The following PDZD2 variants were observed in gnomAD, a reference collection of about 807,000 sequenced individuals.
The protein encoded by PDZD2 is PDZ domain containing 2.
Under a neutral mutation model 220.7 loss-of-function variants are expected in PDZD2, and 90 were observed. The ratio of observed to expected loss-of-function variants is 0.41; its 90% CI spans 0.34 to 0.49. PDZD2 has a LOEUF of 0.49. Ranked by LOEUF, PDZD2 falls within the 20% of genes least tolerant of loss-of-function variation. The pLI is 0.28. For synonymous variants in PDZD2, 1,375 were observed against 1,450.5 expected (o/e 0.95, Z 1.18); for missense variants, 3,174 against 3,608.5 (o/e 0.88, Z 3.08).
chr5:31,714,694 G>A (rs1444565374), intron 1 of PDZD2, among the ~76,000 whole-genome samples: 1 of 152,020 alleles, frequency 6.6e-6, no homozygotes, highest in Non-Finnish European at 1.5e-5. Context: ...CATCTGTTTG[G>A]GCATATAAAG....
At chr5:31,895,353 T>C (rs1387847928) in intron 2 of PDZD2, among the ~76,000 whole-genome samples, 2 of 152,168 alleles carry the variant, frequency 1.3e-5, no homozygotes, top group Non-Finnish European at 2.9e-5. Flanking sequence ...AGTGCCATTA[T>C]GAATGAGGCC....
chr5:31,788,438 G>A (rs1753507139), intron 1 of PDZD2, among the ~76,000 whole-genome samples: 1 of 152,156 alleles, frequency 6.6e-6, no homozygotes. Context: ...GGCCAAGGCG[G>A]GCGGATCACG....
At chr5:31,912,701 C>T (rs1379986745) in intron 2 of PDZD2, among the ~76,000 whole-genome samples, 1 of 152,192 alleles carries the variant, frequency 6.6e-6, no homozygotes, top group Admixed American at 6.5e-5. Context: ...AACAGCTCAA[C>T]CACTCAAAGG....
rs369076866 is a variant in PDZD2, at chr5:32,090,852, G to A, written c.7404G>A (p.Ser2468=). The change falls in exon 20 of 25, where the codon TCG becomes TCA. Residue 2468 remains serine, a synonymous_variant. Transcript: ENST00000438447. This position sits in a 1 kb window ranked among gnomAD's most constrained non-coding sequence, Gnocchi z 4.3. ...CTCCTGTTAAGAGGAACAAGTCCTC[G>A]GTACGCCACACGCAGCCCTCGCCCG... The part of the protein sequence containing the change: ...LASPVKRNKS[S]VRHTQPSPVS... 1.5e-5 allele frequency: 24 copies of A among 1,613,918 alleles called. No homozygotes were observed. Among genetic ancestry groups the A allele is most frequent in the Admixed American group, 1.0e-4 (6 of 59,990 alleles).
At chr5:32,008,160 TAAATA>T (rs1178154918) in intron 5 of PDZD2, among the ~76,000 whole-genome samples, 2 of 150,496 alleles carry the variant, frequency 1.3e-5, no homozygotes, top group African/African-American at 4.9e-5. Flanking sequence ...AATAAATAAA[TAAATA>T]AATAAATGGA....
Position 32,001,338 on chromosome 5 carries a change from C to T in PDZD2, c.1254+1067C>T, listed in dbSNP as rs111781471. On this transcript the variant is annotated intron_variant, in intron 5 of 24. Transcript: ENST00000438447. ...AAGGGAAGAGAGGCTCAGGGGCCGCCGAGGGCAGCCTGTGGCTTCTGCTCT... is the reference window on the plus strand; with the variant it reads ...AAGGGAAGAGAGGCTCAGGGGCCGCTGAGGGCAGCCTGTGGCTTCTGCTCT... Among the ~76,000 whole-genome samples, 30 of 152,290 alleles carry T rather than the reference C, an allele frequency of 2.0e-4. No homozygotes were observed. In the East Asian group the frequency reaches 4.2e-3, roughly 22 times the overall value.
At chr5:31,844,396 A>T (rs1397351565) in intron 2 of PDZD2, among the ~76,000 whole-genome samples, 1 of 152,250 alleles carries the variant, frequency 6.6e-6, no homozygotes, top group African/African-American at 2.4e-5. Context: ...TGAGAAACAG[A>T]GACCATAAAG....
At chr5:31,940,128 G>A (rs999598852) in intron 2 of PDZD2, among the ~76,000 whole-genome samples, 1 of 152,176 alleles carries the variant, frequency 6.6e-6, no homozygotes, top group African/African-American at 2.4e-5. Context: ...TGGCACTGGG[G>A]GTGGAGCACA....
At chr5:31,985,967 C>T (rs28402289) in intron 3 of PDZD2, among the ~76,000 whole-genome samples, 5 of 149,116 alleles carry the variant, frequency 3.4e-5, no homozygotes, top group South Asian at 2.1e-4. Context: ...CCCAGCTACT[C>T]GGGAGGCTGA....
chr5:31,702,258 C>T (rs963045106), intron 1 of PDZD2, among the ~76,000 whole-genome samples: 1 of 152,204 alleles, frequency 6.6e-6, no homozygotes, highest in Non-Finnish European at 1.5e-5. Flanking sequence ...TAAGCCATCC[C>T]ATGAGGGAGG....
At position 31,828,404 on chromosome 5, in the gene PDZD2, C is replaced by T. The variant is rs565558175; in HGVS notation, c.476+28680C>T. Among the ~76,000 whole-genome samples, 31 of 152,308 alleles carry T rather than the reference C, an allele frequency of 2.0e-4. No homozygotes were observed. In the South Asian group the frequency reaches 6.4e-3, roughly 32 times the overall value. On this transcript the variant is annotated intron_variant, in intron 2 of 24. Transcript: ENST00000438447. ...GGTGTGAAGCTGTATCTCACTGTGACTTTGATTTGTATTCTCTAATGATTA... is the reference window on the plus strand; with the variant it reads ...GGTGTGAAGCTGTATCTCACTGTGATTTTGATTTGTATTCTCTAATGATTA...
rs377069940 is a variant in PDZD2, at chr5:31,767,475, T to G, written c.-360-31414T>G. Among the ~76,000 whole-genome samples the G allele has an allele frequency of 5.3e-5, 8 of 152,342 alleles. No individual in the cohort carries two copies. In the East Asian group the frequency reaches 9.6e-4, roughly 18 times the overall value. Reference sequence around the variant, plus strand: ...CAGGAAGGCAGCTCTTGGAACTGTTTTTCAGTATCACATGTTTTGCTGCTG... The same window carrying G: ...CAGGAAGGCAGCTCTTGGAACTGTTGTTCAGTATCACATGTTTTGCTGCTG... On this transcript the variant is annotated intron_variant, in intron 1 of 24. Transcript: ENST00000438447.
intron 5 of PDZD2, among the ~76,000 whole-genome samples, chr5:32,002,653 ATAC>A (rs1401261671): frequency 8.4e-6 from 1 of 119,698 alleles, no homozygotes; most frequent in Non-Finnish European, 1.8e-5. Flanking sequence ...CACACCCCAC[ATAC>A]TACACACACA....
intron 13 of PDZD2, among the ~76,000 whole-genome samples, chr5:32,060,589 C>T (rs157500): frequency 0.16 from 24,214 of 152,120 alleles, 2,360 homozygotes; most frequent in East Asian, 0.35. Flanking sequence ...CGAGTTAGTT[C>T]AACAGTGTGT....
At chr5:31,795,212 TA>T (rs1442227379) in intron 1 of PDZD2, among the ~76,000 whole-genome samples, 1 of 152,214 alleles carries the variant, frequency 6.6e-6, no homozygotes, top group Non-Finnish European at 1.5e-5. Context: ...GAGGATCTGC[TA>T]ACCATTAGAG....
chr5:31,736,054 G>A (rs1749841496), intron 1 of PDZD2, among the ~76,000 whole-genome samples: 1 of 152,152 alleles, frequency 6.6e-6, no homozygotes, highest in Non-Finnish European at 1.5e-5. Context: ...TGGGGGCAGA[G>A]GGATGCAGTA....
At chr5:31,922,457 T>C (rs1173469146) in intron 2 of PDZD2, among the ~76,000 whole-genome samples, 1 of 152,178 alleles carries the variant, frequency 6.6e-6, no homozygotes, top group African/African-American at 2.4e-5. Context: ...TTTTTTGTTT[T>C]TGTTTTGTTT....
chr5:31,796,320 C>T (rs72755472), intron 1 of PDZD2, among the ~76,000 whole-genome samples: 11,850 of 152,260 alleles, frequency 0.078, 598 homozygotes, highest in South Asian at 0.19. Flanking sequence ...GCAGCCCCGT[C>T]CAGGATGGCG....
intron 2 of PDZD2, chr5:31,855,140 A>G (rs1291749857): frequency 2.3e-5 from 23 of 983,508 alleles, no homozygotes; most frequent in Non-Finnish European, 2.8e-5. Context: ...CCGGAGAGGA[A>G]CCCTCCGAAG....
Sources: gnomAD v4.1 joint callset for allele counts (sites outside exome capture counted in the v4.1 genomes callset) on GRCh38, gnomAD v4.1.1 for gene constraint, Gnocchi (gnomAD v3.1) non-coding constraint, MANE v1.5 for transcripts, NCBI Gene and HGNC (gene_info 2026-07-23, HGNC 2026-07-21) for gene names.